DIAPH2: variants seen among roughly 807,000 people sequenced by gnomAD.
The protein encoded by DIAPH2 is diaphanous related formin 2.
In DIAPH2, 35 loss-of-function variants were observed where a neutral mutation model predicts 92.7. That is an observed-to-expected ratio of 0.38 (90% CI 0.29 to 0.50). The LOEUF is 0.50. Among genes scored for constraint, DIAPH2 ranks in the 20% least tolerant of loss-of-function variants. DIAPH2 has a pLI of 0.94. For missense variants in DIAPH2, 701 were observed against 819.5 expected, an observed-to-expected ratio of 0.86 and a Z score of 1.77; for synonymous variants, 301 against 280.4, an observed-to-expected ratio of 1.07 and a Z score of -0.73.
chrX:97,355,793 A>G (rs1224252256), intron 24 of DIAPH2, among the ~76,000 whole-genome samples: 2 of 111,496 alleles, frequency 1.8e-5, no homozygotes, highest in Admixed American at 9.6e-5. Context: ...CTTTACCCCT[A>G]AAAGTACACC....
chrX:97,592,363 A>G (rs1451593578), intron 26 of DIAPH2, among the ~76,000 whole-genome samples: 2 of 111,656 alleles, frequency 1.8e-5, no homozygotes, highest in African/African-American at 6.5e-5. Flanking sequence ...AGAAAGTGAA[A>G]TATAGAAAAG....
intron 17 of DIAPH2, among the ~76,000 whole-genome samples, chrX:96,988,637 A>G: frequency 9.0e-6 from 1 of 111,550 alleles, no homozygotes; most frequent in Non-Finnish European, 1.9e-5. Context: ...TTTCAAAGGT[A>G]AGAAATACAG....
intron 10 of DIAPH2, among the ~76,000 whole-genome samples, chrX:96,933,626 A>G (rs1046917443): frequency 9.5e-6 from 1 of 104,865 alleles, no homozygotes; most frequent in Non-Finnish European, 1.9e-5. Context: ...TATTTTTGAG[A>G]CAGAGTCTTG....
At chrX:96,932,172 C>A (rs2065623695) in intron 10 of DIAPH2, among the ~76,000 whole-genome samples, 1 of 110,307 alleles carries the variant, frequency 9.1e-6, no homozygotes, top group African/African-American at 3.3e-5. Flanking sequence ...TTTTACTGGG[C>A]TGGTTCTCTG....
In DIAPH2 at chrX:97,600,653, A is replaced by G. The variant is rs1237986761; in HGVS notation, c.*1336A>G. On this transcript the variant is annotated 3_prime_UTR_variant, in exon 27 of 27. Coordinates refer to ENST00000324765, the MANE Select transcript of DIAPH2 (RefSeq NM_006729.5). Reference sequence around the variant, plus strand: ...ATATGCATTGAAATAATGTGGTATAACTTCTCTGGAGTGCAATTTTAAGTC... The same window carrying G: ...ATATGCATTGAAATAATGTGGTATAGCTTCTCTGGAGTGCAATTTTAAGTC... The G allele has an allele frequency of 8.9e-6, 1 of 112,445 alleles. No individual in the cohort carries two copies. The highest frequency in any genetic ancestry group is 2.8e-4 in the East Asian group (1 of 3,607). 9.3% of individuals were successfully genotyped at this position (112,445 alleles called of 1,213,427 possible). A position where few individuals can be genotyped will look rare whatever the true frequency, so the allele number is the denominator to read the frequency against.
intron 22 of DIAPH2, among the ~76,000 whole-genome samples, chrX:97,226,815 G>A (rs752878491): frequency 2.3e-4 from 26 of 112,224 alleles, no homozygotes; most frequent in Admixed American, 7.6e-4. Flanking sequence ...GTGTATATGT[G>A]TATATTCCAG....
chrX:97,373,900 C>T (rs73552463), intron 24 of DIAPH2, among the ~76,000 whole-genome samples: 1,411 of 110,461 alleles, frequency 0.013, 18 homozygotes, highest in African/African-American at 0.044. Context: ...CTGTGCCCGG[C>T]CTGAGGGAGG....
At chrX:96,809,401 C>T (rs1471801434) in intron 4 of DIAPH2, among the ~76,000 whole-genome samples, 1 of 108,964 alleles carries the variant, frequency 9.2e-6, no homozygotes, top group African/African-American at 3.3e-5. Flanking sequence ...GTGAATAGTA[C>T]AATATTGTTA....
At chrX:97,403,994 C>G in intron 25 of DIAPH2, among the ~76,000 whole-genome samples, 1 of 110,060 alleles carries the variant, frequency 9.1e-6, no homozygotes, top group Non-Finnish European at 1.9e-5. Flanking sequence ...GCTGGGATTA[C>G]AGGCATGCAC....
At chrX:97,595,088 A>G (rs1363090150) in intron 26 of DIAPH2, among the ~76,000 whole-genome samples, 1 of 111,983 alleles carries the variant, frequency 8.9e-6, no homozygotes, top group Non-Finnish European at 1.9e-5. Flanking sequence ...AGTCTATCTC[A>G]TGTCACATTG....
At chrX:96,853,856 A>G (rs1292458886) in intron 4 of DIAPH2, among the ~76,000 whole-genome samples, 2 of 111,914 alleles carry the variant, frequency 1.8e-5, no homozygotes, top group Non-Finnish European at 3.8e-5. Context: ...GTAGTGTTTA[A>G]TGGAGGATAA....
chrX:96,770,728 A>G (rs1185690029), intron 4 of DIAPH2, among the ~76,000 whole-genome samples: 1 of 112,174 alleles, frequency 8.9e-6, no homozygotes, highest in Non-Finnish European at 1.9e-5. Flanking sequence ...TTAAACTAGC[A>G]TATATAAAAT....
chrX:97,215,237 T>A (rs1269550107), intron 22 of DIAPH2, among the ~76,000 whole-genome samples: 1 of 111,674 alleles, frequency 9.0e-6, no homozygotes, highest in African/African-American at 3.3e-5. Context: ...TTCTTGGATA[T>A]TAGGTGGTTT....
At chrX:97,235,373 C>T (rs767228741) in intron 22 of DIAPH2, among the ~76,000 whole-genome samples, 81 of 110,707 alleles carry the variant, frequency 7.3e-4, no homozygotes, top group African/African-American at 2.6e-3. Flanking sequence ...TGGGAGGCCA[C>T]GGTGGGTGGA....
chrX:97,297,353 A>G (rs998073829), intron 23 of DIAPH2, among the ~76,000 whole-genome samples: 3 of 109,745 alleles, frequency 2.7e-5, no homozygotes, highest in African/African-American at 9.9e-5. Flanking sequence ...AGTGAAAAAC[A>G]ATATAACAAT....
intron 22 of DIAPH2, among the ~76,000 whole-genome samples, chrX:97,157,068 A>C (rs1457967032): frequency 9.0e-6 from 1 of 111,221 alleles, no homozygotes; most frequent in Admixed American, 9.6e-5. Context: ...TAATCCCAGC[A>C]CTTTGGGAGA....
intron 3 of DIAPH2, among the ~76,000 whole-genome samples, chrX:96,745,007 CT>C (rs746267062): frequency 2.9e-3 from 283 of 96,438 alleles, no homozygotes; most frequent in African/African-American, 5.9e-3. Flanking sequence ...AGGTGTAAAA[CT>C]TTTTTTTTTT....
At chrX:96,702,602 A>G (rs2063861929) in intron 1 of DIAPH2, among the ~76,000 whole-genome samples, 1 of 112,336 alleles carries the variant, frequency 8.9e-6, no homozygotes, top group African/African-American at 3.2e-5. Flanking sequence ...TAAAACAGTT[A>G]TTGTGATAGA....
intron 7 of DIAPH2, among the ~76,000 whole-genome samples, chrX:96,913,920 G>T (rs920378203): frequency 9.1e-6 from 1 of 109,722 alleles, no homozygotes; most frequent in African/African-American, 3.3e-5. Context: ...CATACCTATA[G>T]ATAAAATACT....
Sources: gnomAD v4.1 joint callset for allele counts (sites outside exome capture counted in the v4.1 genomes callset) on GRCh38, gnomAD v4.1.1 for gene constraint, MANE v1.5 for transcripts, NCBI Gene and HGNC (gene_info 2026-07-23, HGNC 2026-07-21) for gene names.